The following CNTNAP2 variants were observed in gnomAD, a reference collection of about 807,000 sequenced individuals.
The protein encoded by CNTNAP2 is contactin associated protein 2, also known as contactin-associated protein-like 2.
Under a neutral mutation model 155.2 loss-of-function variants are expected in CNTNAP2, and 98 were observed. That is an observed-to-expected ratio of 0.63 (90% CI 0.54 to 0.75). The LOEUF is 0.75. CNTNAP2 is among the 30% of genes least tolerant of loss of function. The probability of loss-of-function intolerance (pLI) is 0.00; values close to 1 mark genes in which losing one functional copy is unlikely to be tolerated. For missense variants in CNTNAP2, 1,727 were observed against 1,688.1 expected, an observed-to-expected ratio of 1.02 and a Z score of -0.40; for synonymous variants, 651 against 631.2, an observed-to-expected ratio of 1.03 and a Z score of -0.47.
chr7:148,369,508 A>C (rs1798849537), intron 21 of CNTNAP2, among the ~76,000 whole-genome samples: 1 of 151,984 alleles, frequency 6.6e-6, no homozygotes, highest in Admixed American at 6.5e-5. Context: ...GATTACCAAC[A>C]TAAGACATGG....
At chr7:146,860,578 G>T (rs568714053) in intron 3 of CNTNAP2, among the ~76,000 whole-genome samples, 1 of 152,028 alleles carries the variant, frequency 6.6e-6, no homozygotes, top group Non-Finnish European at 1.5e-5. Flanking sequence ...AAAGAAAAAT[G>T]GATCATATTG....
chr7:147,251,964 T>C (rs1804208435), intron 8 of CNTNAP2, among the ~76,000 whole-genome samples: 1 of 150,700 alleles, frequency 6.6e-6, no homozygotes, highest in Non-Finnish European at 1.5e-5. Flanking sequence ...TGGGGATTAA[T>C]AAAAAAAAAC....
rs141676964 is a variant in CNTNAP2 at position 147,591,032 on chromosome 7, A to G, written c.1897+28775A>G. The stretch of plus-strand genomic sequence containing the variant: ...TGCCAATCTAAATTTATCATCTACT[A>G]CAGCCTTGGATTTCCTAACTTGGTG... On this transcript the variant is annotated intron_variant, in intron 12 of 23. Transcript: ENST00000361727. Among the ~76,000 whole-genome samples, 252 of 152,274 alleles carry G rather than the reference A, an allele frequency of 1.7e-3. 1 individual carries two copies. The highest frequency in any genetic ancestry group is 5.8e-3 in the African/African-American group (239 of 41,552).
intron 15 of CNTNAP2, among the ~76,000 whole-genome samples, chr7:148,089,140 A>G (rs997427004): frequency 1.3e-5 from 2 of 152,022 alleles, no homozygotes; most frequent in African/African-American, 4.8e-5. Flanking sequence ...AATTAGGTAC[A>G]GAATAAATGT....
intron 13 of CNTNAP2, among the ~76,000 whole-genome samples, chr7:147,690,020 C>T (rs1796065893): frequency 6.6e-6 from 1 of 152,018 alleles, no homozygotes; most frequent in African/African-American, 2.4e-5. Flanking sequence ...GCCTCCCTCC[C>T]CAAATTCCGC....
At chr7:147,387,630 T>C (rs569445978) in intron 9 of CNTNAP2, among the ~76,000 whole-genome samples, 2 of 152,268 alleles carry the variant, frequency 1.3e-5, no homozygotes, top group South Asian at 2.1e-4. Context: ...ATGAGGTACA[T>C]AAGAGGTTTT....
intron 3 of CNTNAP2, among the ~76,000 whole-genome samples, chr7:146,952,299 A>T (rs1797332288): frequency 1.3e-5 from 2 of 152,208 alleles, no homozygotes; most frequent in African/African-American, 4.8e-5. Context: ...AGAGCTATTT[A>T]TGACAGACCC....
chr7:147,914,445 C>G (rs1160175884), intron 14 of CNTNAP2, among the ~76,000 whole-genome samples: 2 of 148,558 alleles, frequency 1.3e-5, no homozygotes, highest in African/African-American at 2.5e-5. Flanking sequence ...GAGGCTGAGA[C>G]AGGAGAATCA....
At chr7:146,425,749 A>G (rs963755001) in intron 1 of CNTNAP2, among the ~76,000 whole-genome samples, 4 of 152,210 alleles carry the variant, frequency 2.6e-5, no homozygotes, top group Middle Eastern at 6.3e-3. Flanking sequence ...CGCTTTACCT[A>G]TGTAACCTCA....
At chr7:147,922,144 G>A (rs1031438251) in intron 14 of CNTNAP2, among the ~76,000 whole-genome samples, 7 of 152,254 alleles carry the variant, frequency 4.6e-5, no homozygotes, top group South Asian at 2.1e-4. Flanking sequence ...TACGCATGTC[G>A]ATGCAAATTA....
chr7:147,968,134 G>A (rs1202407265), intron 14 of CNTNAP2, among the ~76,000 whole-genome samples: 1 of 152,170 alleles, frequency 6.6e-6, no homozygotes, highest in Non-Finnish European at 1.5e-5. Flanking sequence ...CTTTTGTGTT[G>A]ATTGTACAAA....
At chr7:147,548,736 T>C (rs1799791639) in intron 11 of CNTNAP2, among the ~76,000 whole-genome samples, 1 of 152,220 alleles carries the variant, frequency 6.6e-6, no homozygotes, top group Non-Finnish European at 1.5e-5. Context: ...TTTTATGATT[T>C]TGGGTTTTAA....
chr7:146,987,828 G>T (rs185682913), intron 3 of CNTNAP2, among the ~76,000 whole-genome samples: 103 of 152,124 alleles, frequency 6.8e-4, no homozygotes, highest in African/African-American at 2.4e-3. Flanking sequence ...CAAATTTATT[G>T]TTCAGTACAA....
intron 1 of CNTNAP2, among the ~76,000 whole-genome samples, chr7:146,597,753 C>T (rs1054994128): frequency 2.0e-5 from 3 of 150,506 alleles, no homozygotes; most frequent in African/African-American, 7.5e-5. Context: ...AGAAAATATA[C>T]TATAATTTAA....
intron 4 of CNTNAP2, among the ~76,000 whole-genome samples, chr7:147,095,186 A>ATTTT (rs36113270): frequency 3.4e-4 from 39 of 114,494 alleles, no homozygotes; most frequent in Admixed American, 1.1e-3. Flanking sequence ...CGCCTGGCTA[A>ATTTT]TTTTTTTTTT....
At chr7:147,998,370 CA>C (rs1801844709) in intron 15 of CNTNAP2, among the ~76,000 whole-genome samples, 1 of 152,100 alleles carries the variant, frequency 6.6e-6, no homozygotes, top group African/African-American at 2.4e-5. Flanking sequence ...CTTGGCCTCC[CA>C]AAGTGCTGGG....
intron 16 of CNTNAP2, among the ~76,000 whole-genome samples, chr7:148,142,093 C>CTCTG (rs1554476721): frequency 8.1e-5 from 11 of 136,412 alleles, no homozygotes; most frequent in African/African-American, 2.6e-4. Flanking sequence ...AGATATGTCT[C>CTCTG]TGTGTGTGTG....
At chr7:147,346,802 G>A (rs1543264) in intron 9 of CNTNAP2, among the ~76,000 whole-genome samples, 63,721 of 151,880 alleles carry the variant, frequency 0.42, 13,918 homozygotes, top group Non-Finnish European at 0.46. Flanking sequence ...CAAACTTTGC[G>A]TAGTCTTTTT....
intron 15 of CNTNAP2, among the ~76,000 whole-genome samples, chr7:148,117,681 A>C (rs967136207): frequency 1.3e-5 from 2 of 151,990 alleles, no homozygotes; most frequent in African/African-American, 4.8e-5. Flanking sequence ...CCCACAGAGT[A>C]ACCCCAGGGG....
Sources: allele counts gnomAD v4.1 joint callset (sites outside exome capture counted in the v4.1 genomes callset), GRCh38; gene constraint gnomAD v4.1.1; transcripts MANE v1.5; gene names NCBI Gene and HGNC (gene_info 2026-07-23, HGNC 2026-07-21).